PTPRG: variants seen among roughly 807,000 people sequenced by gnomAD.
PTPRG encodes protein tyrosine phosphatase receptor type G, also known as receptor-type tyrosine-protein phosphatase gamma.
A neutral mutation model predicts 165.3 loss-of-function variants in PTPRG; 102 were observed. The ratio of observed to expected loss-of-function variants is 0.62; its 90% CI spans 0.53 to 0.73. PTPRG has a LOEUF of 0.73. Ranked by LOEUF, PTPRG falls within the 30% of genes least tolerant of loss-of-function variation. The probability of loss-of-function intolerance (pLI) is 0.00; values close to 1 mark genes in which losing one functional copy is unlikely to be tolerated. For synonymous variants in PTPRG, 675 were observed against 669.5 expected, an observed-to-expected ratio of 1.01 and a Z score of -0.13; for missense variants, 1,866 against 1,861.4, an observed-to-expected ratio of 1.00 and a Z score of -0.05.
intron 1 of PTPRG, among the ~76,000 whole-genome samples, chr3:61,673,745 C>G (rs1379039404): frequency 1.3e-5 from 2 of 152,168 alleles, no homozygotes; most frequent in Non-Finnish European, 2.9e-5. Context: ...ATCTAACCCC[C>G]TTTCTGACTA....
intron 2 of PTPRG, among the ~76,000 whole-genome samples, chr3:61,944,359 A>G (rs2039704780): frequency 6.6e-6 from 1 of 152,204 alleles, no homozygotes; most frequent in African/African-American, 2.4e-5. Context: ...CCTGTTCTTA[A>G]GATTGGCAGT....
At chr3:62,044,061 A>G (rs1207453754) in intron 4 of PTPRG, among the ~76,000 whole-genome samples, 1 of 152,092 alleles carries the variant, frequency 6.6e-6, no homozygotes, top group African/African-American at 2.4e-5. Flanking sequence ...AGCCATGAAC[A>G]CTCTCTCTTA....
At chr3:62,054,480 C>A (rs1700567848) in intron 4 of PTPRG, among the ~76,000 whole-genome samples, 1 of 152,072 alleles carries the variant, frequency 6.6e-6, no homozygotes, top group South Asian at 2.1e-4. Context: ...GTTGGGGCCT[C>A]CAGGGATAGA....
intron 12 of PTPRG, among the ~76,000 whole-genome samples, chr3:62,215,546 A>AACCCC (rs1700475367): frequency 4.7e-5 from 3 of 63,758 alleles, no homozygotes; most frequent in Non-Finnish European, 8.8e-5. Flanking sequence ...CCCTACGGGA[A>AACCCC]CCCCCCCCCC....
chr3:62,282,736 G>C lies in PTPRG; in HGVS notation c.3922G>C (p.Val1308Leu), dbSNP rs766859118. 2 of 1,611,614 alleles carry C rather than the reference G, an allele frequency of 1.2e-6. No homozygotes were observed. Among genetic ancestry groups the C allele is most frequent in the East Asian group, 2.2e-5 (1 of 44,840 alleles). The change falls in exon 28 of 30, where the codon GTC becomes CTC. Residue 1308 changes from valine to leucine, a missense_variant. This residue lies in a region of PTPRG where 1,452 missense variants were observed against 1,463.0 expected (regional missense o/e 0.99). Coordinates refer to ENST00000474889, the MANE Select transcript of PTPRG (RefSeq NM_002841.4). ...GTTGTATTGGTTACAGGATGACTAT[G>C]TCTTAGAAGTTCGGCACTTTCAGTG... ...FILEATQDDY[V>L]LEVRHFQCPK...
chr3:62,174,676 G>C (rs561093170), intron 8 of PTPRG, among the ~76,000 whole-genome samples: 2 of 152,182 alleles, frequency 1.3e-5, no homozygotes, highest in South Asian at 2.1e-4. Flanking sequence ...TTGAAATCAT[G>C]GTTTTCTGCT....
intron 5 of PTPRG, among the ~76,000 whole-genome samples, chr3:62,100,530 T>A (rs953853181): frequency 6.6e-6 from 1 of 152,058 alleles, no homozygotes; most frequent in African/African-American, 2.4e-5. Flanking sequence ...ATCCCTTCAG[T>A]TAGAGAGTGG....
intron 2 of PTPRG, among the ~76,000 whole-genome samples, chr3:61,869,556 ACCCTCCCCTC>A (rs777017270): frequency 7.0e-5 from 10 of 142,428 alleles, no homozygotes; most frequent in South Asian, 2.3e-4. Context: ...CCATTCATTA[ACCCTCCCCTC>A]CCCTCCCCTC....
At chr3:61,841,599 C>T (rs2036635171) in intron 2 of PTPRG, among the ~76,000 whole-genome samples, 2 of 151,878 alleles carry the variant, frequency 1.3e-5, no homozygotes, top group Admixed American at 1.3e-4. Flanking sequence ...CCACCTTACC[C>T]CTCTGCCCTT....
At chr3:61,834,366 C>T (rs1272167287) in intron 2 of PTPRG, among the ~76,000 whole-genome samples, 1 of 151,990 alleles carries the variant, frequency 6.6e-6, no homozygotes, top group Non-Finnish European at 1.5e-5. Flanking sequence ...GTTTACAGTT[C>T]AAAACTTTGT....
intron 24 of PTPRG, 72 bp downstream of exon 24, chr3:62,276,038 C>A: frequency 2.7e-6 from 3 of 1,125,400 alleles, no homozygotes; most frequent in Non-Finnish European, 3.9e-6. Flanking sequence ...GCAGCCACTA[C>A]TCTGATGCTA....
At chr3:62,113,858 G>A (rs1329078943) in intron 5 of PTPRG, among the ~76,000 whole-genome samples, 2 of 152,110 alleles carry the variant, frequency 1.3e-5, no homozygotes, top group Non-Finnish European at 2.9e-5. Flanking sequence ...ACACTAAATG[G>A]CGGTGCCATA....
At chr3:62,164,491 A>G (rs1382966506) in intron 7 of PTPRG, among the ~76,000 whole-genome samples, 1 of 152,174 alleles carries the variant, frequency 6.6e-6, no homozygotes, top group Non-Finnish European at 1.5e-5. Flanking sequence ...ACAGAAGGAC[A>G]TTTGATGAGT....
chr3:61,713,098 T>A (rs2031642560), intron 1 of PTPRG, among the ~76,000 whole-genome samples: 1 of 152,194 alleles, frequency 6.6e-6, no homozygotes. Flanking sequence ...CCTAAATGCA[T>A]GTCTTTGGGT....
rs552990699 is a variant in PTPRG at position 62,140,518 on chromosome 3, C to T, written c.682+7850C>T. On this transcript the variant is annotated intron_variant, in intron 6 of 29. Coordinates refer to ENST00000474889, the MANE Select transcript of PTPRG (RefSeq NM_002841.4). ...TGTAAAGTGTGAGAACAGGTCCATC[C>T]ACAAAATTAATCCATAGTGATGAAA... 2.6e-5 allele frequency among the ~76,000 whole-genome samples: 4 copies of T among 152,114 alleles called. No homozygotes were observed. In the East Asian group the frequency reaches 7.7e-4, roughly 29 times the overall value.
intron 2 of PTPRG, among the ~76,000 whole-genome samples, chr3:61,895,395 C>A (rs972861392): frequency 2.0e-5 from 3 of 152,188 alleles, no homozygotes; most frequent in African/African-American, 7.2e-5. Flanking sequence ...AAATGCTTTT[C>A]TCCTTGTCTT....
At chr3:61,723,429 T>C (rs1429468910) in intron 1 of PTPRG, among the ~76,000 whole-genome samples, 3 of 152,108 alleles carry the variant, frequency 2.0e-5, no homozygotes. Flanking sequence ...ACATTTTTGG[T>C]GAAACAAGAA....
chr3:61,978,372 C>T (rs764541122), intron 2 of PTPRG, among the ~76,000 whole-genome samples: 6 of 152,170 alleles, frequency 3.9e-5, no homozygotes, highest in African/African-American at 7.2e-5. Flanking sequence ...TACTCTAATT[C>T]TTCCCACAAC....
intron 4 of PTPRG, among the ~76,000 whole-genome samples, chr3:62,032,425 A>C (rs1204266298): frequency 1.3e-5 from 2 of 152,190 alleles, no homozygotes; most frequent in African/African-American, 4.8e-5. Context: ...TTGAATACCG[A>C]ATATACTATT....
Sources: allele counts gnomAD v4.1 joint callset (sites outside exome capture counted in the v4.1 genomes callset), GRCh38; gene constraint gnomAD v4.1.1; regional missense constraint gnomAD v4.1.1; transcripts MANE v1.5; gene names NCBI Gene and HGNC (gene_info 2026-07-23, HGNC 2026-07-21).